Variants in MMRN2 observed in about 807,000 individuals in gnomAD.
MMRN2 encodes the protein multimerin-2.
Under a neutral mutation model 68.8 loss-of-function variants are expected in MMRN2, and 53 were observed. That is an observed-to-expected ratio of 0.77 (90% CI 0.62 to 0.97). The LOEUF is 0.97. MMRN2 is among the 50% of genes least tolerant of loss of function. The pLI is 0.00. For missense variants in MMRN2, 1,266 were observed against 1,259.5 expected, an observed-to-expected ratio of 1.01 and a Z score of -0.08; for synonymous variants, 564 against 551.6, an observed-to-expected ratio of 1.02 and a Z score of -0.32.
rs1419808712 is a variant in MMRN2, at chr10:86,942,776, C to T, written c.2008G>A (p.Glu670Lys). 7.3e-7 allele frequency: 1 copy of T among 1,370,664 alleles called. No individual in the cohort carries two copies. Among genetic ancestry groups the T allele is most frequent in the Non-Finnish European group, 9.4e-7 (1 of 1,067,662 alleles). 84.9% of individuals were successfully genotyped at this position (1,370,664 alleles called of 1,614,324 possible). The stretch of plus-strand genomic sequence containing the variant: ...AGGTGCTCTGCCGGCCGCGGGGGCT[C>T]CGAGGCCTGCTCCAGGGCCGTCACT... ...ARVTALEQAS[E>K]PPRPAEHLEP... The change falls in exon 6 of 7, where the codon GAG becomes AAG. Residue 670 changes from glutamate to lysine, a missense_variant. By Grantham distance (56) the Glu-to-Lys change is moderately conservative. Transcript: ENST00000372027.
rs1182465101 is a variant in MMRN2, at chr10:86,944,046, C to A, written c.738G>T (p.Arg246Ser). The A allele has an allele frequency of 2.5e-6, 4 of 1,614,016 alleles. No individual in the cohort carries two copies. The highest frequency in any genetic ancestry group is 3.4e-6 in the Non-Finnish European group (4 of 1,180,046). The change falls in exon 6 of 7, where the codon AGG becomes AGT. Residue 246 changes from arginine to serine, a missense_variant. Arg to Ser is a moderately radical substitution (Grantham distance 110). Coordinates refer to ENST00000372027, the MANE Select transcript of MMRN2 (RefSeq NM_024756.3). The part of the protein sequence containing the change: ...FLQVHFSPIW[R>S]SFNQSLHSLT... ...GGCTGTGCAGGCTTTGGTTAAAGCTCCTCCAGATGGGGCTGAAATGCACTT... is the reference window on the plus strand; with the variant it reads ...GGCTGTGCAGGCTTTGGTTAAAGCTACTCCAGATGGGGCTGAAATGCACTT...
chr10:86,945,947 A>C, intron 1 of MMRN2: 1 of 885,882 alleles, frequency 1.1e-6, no homozygotes, highest in East Asian at 3.4e-5. Flanking sequence ...TGAGAAACCC[A>C]CCACAATCTA....
Position 86,943,912 on chromosome 10 carries a change from G to T in MMRN2, c.872C>A (p.Ala291Asp), listed in dbSNP as rs373702337. The change falls in exon 6 of 7, where the codon GCC (alanine) becomes GAC (aspartate). Residue 291 changes from alanine to aspartate, a missense_variant. Coordinates refer to ENST00000372027, the MANE Select transcript of MMRN2 (RefSeq NM_024756.3). This position sits in a 1 kb window ranked among gnomAD's most constrained non-coding sequence, Gnocchi z 4.2. ...CTCCTGGACCTTGGCCTCAAATTTG[G>T]CACCAAGCTCCTGGAAGTCAGCCCT... ...VARADFQELG[A>D]KFEAKVQENT... 1.7e-5 allele frequency: 28 copies of T among 1,613,936 alleles called. No individual in the cohort carries two copies. The highest frequency in any genetic ancestry group is 2.3e-5 in the Non-Finnish European group (27 of 1,180,042).
In MMRN2 at chr10:86,943,794, T is replaced by C. The variant is rs768655304; in HGVS notation, c.990A>G (p.Gln330=). Residue 330 remains glutamine, a synonymous_variant, in exon 6 of 7, where the codon CAA becomes CAG. Coordinates refer to ENST00000372027, the MANE Select transcript of MMRN2 (RefSeq NM_024756.3). This position sits in a 1 kb window ranked among gnomAD's most constrained non-coding sequence, Gnocchi z 4.2. ...FTLHRSISEL[Q]ADVDTKLKRL... ...TCTTCAATTTGGTGTCCACATCGGC[T>C]TGGAGCTCTGAGATCGAGCGGTGCA... is the stretch of plus-strand genomic sequence containing the variant. 13 of 1,609,804 alleles carry C rather than the reference T, an allele frequency of 8.1e-6. No individual in the cohort carries two copies. The highest frequency in any genetic ancestry group is 3.3e-4 in the Middle Eastern group (2 of 6,062).
chr10:86,950,980 C>T (rs570021284), intron 1 of MMRN2, among the ~76,000 whole-genome samples: 11 of 151,984 alleles, frequency 7.2e-5, no homozygotes, highest in Admixed American at 2.0e-4. Context: ...CCCAGCTACT[C>T]GGGAGGCTGA....
intron 1 of MMRN2, among the ~76,000 whole-genome samples, chr10:86,947,265 G>C (rs968564403): frequency 8.5e-5 from 13 of 152,164 alleles, no homozygotes; most frequent in African/African-American, 2.2e-4. Flanking sequence ...TGAAGTGGCT[G>C]TCAGTGCCGG....
chr10:86,945,160 T>A (rs1440447529), intron 4 of MMRN2, 28 bp downstream of exon 4: 1 of 1,608,480 alleles, frequency 6.2e-7, no homozygotes, highest in Non-Finnish European at 8.5e-7. Context: ...CCAGCCTGCC[T>A]GCCTTCCCCT....
chr10:86,955,573 G>A (rs750028251), intron 1 of MMRN2, among the ~76,000 whole-genome samples: 7 of 152,196 alleles, frequency 4.6e-5, no homozygotes, highest in African/African-American at 2.4e-5. Flanking sequence ...GCCTCCTTGT[G>A]ATGGTGTTGG....
chr10:86,952,070 AAAC>A (rs1228442367), intron 1 of MMRN2, among the ~76,000 whole-genome samples: 1 of 152,162 alleles, frequency 6.6e-6, no homozygotes, highest in Non-Finnish European at 1.5e-5. Flanking sequence ...TTTTGAAAGA[AAAC>A]AATGAGTAGG....
In MMRN2 at chr10:86,943,836, G is replaced by A. The variant is rs766994960; in HGVS notation, c.948C>T (p.His316=). 35 of 1,612,728 alleles carry A rather than the reference G, an allele frequency of 2.2e-5. No individual in the cohort carries two copies. The highest frequency in any genetic ancestry group is 1.9e-4 in the South Asian group (17 of 91,084). The stretch of plus-strand genomic sequence containing the variant: ...AGCGGTGCAGGGTAAAGTGCTGGGC[G>A]TGCAGGCGGTCCTCCACGTCCTGTC... ...QLRQDVEDRL[H]AQHFTLHRSI... The change falls in exon 6 of 7, where the codon CAC becomes CAT. Residue 316 remains histidine (H), a synonymous_variant. Coordinates refer to ENST00000372027, the MANE Select transcript of MMRN2 (RefSeq NM_024756.3). This position sits in a 1 kb window ranked among gnomAD's most constrained non-coding sequence, Gnocchi z 4.2.
chr10:86,941,436 T>C (rs891755360), intron 6 of MMRN2, among the ~76,000 whole-genome samples: 5 of 152,200 alleles, frequency 3.3e-5, no homozygotes, highest in Non-Finnish European at 7.3e-5. Flanking sequence ...TATATGAATG[T>C]GGTGTCTCCC....
Position 86,936,820 on chromosome 10 carries a change from C to G in MMRN2, c.2773G>C (p.Glu925Gln), listed in dbSNP as rs1843886127. The G allele has an allele frequency of 6.2e-7, 1 of 1,614,084 alleles. No individual in the cohort carries two copies. The highest frequency in any genetic ancestry group is 1.1e-5 in the South Asian group (1 of 91,080). Residue 925 changes from glutamate to glutamine, a missense_variant, in exon 7 of 7, where the codon GAG becomes CAG. Glu to Gln is a conservative substitution (Grantham distance 29). Transcript: ENST00000372027. ...TTTGTTATTGATCCCTGGGTTAACT[C>G]AAACCATACTCGCTCACCCTTCTGC... ...ELQKGERVWFELTQGSITKRS... is the reference protein window; with the variant it reads ...ELQKGERVWFQLTQGSITKRS...
At chr10:86,938,266 GC>G (rs1177019827) in intron 6 of MMRN2, among the ~76,000 whole-genome samples, 1 of 152,136 alleles carries the variant, frequency 6.6e-6, no homozygotes, top group Non-Finnish European at 1.5e-5. Flanking sequence ...GTAAATTGAG[GC>G]CCAGAAAGAA....
intron 1 of MMRN2, among the ~76,000 whole-genome samples, chr10:86,950,982 G>A (rs1168795182): frequency 1.3e-5 from 2 of 152,154 alleles, no homozygotes; most frequent in Non-Finnish European, 2.9e-5. Context: ...CAGCTACTCG[G>A]GAGGCTGAGG....
At chr10:86,954,788 G>T (rs769650297) in intron 1 of MMRN2, among the ~76,000 whole-genome samples, 2 of 150,310 alleles carry the variant, frequency 1.3e-5, no homozygotes, top group African/African-American at 4.9e-5. Context: ...GGCCAGTGGG[G>T]GTTCTTCCCT....
intron 6 of MMRN2, among the ~76,000 whole-genome samples, chr10:86,937,990 G>A (rs1430569885): frequency 6.6e-6 from 1 of 152,128 alleles, no homozygotes; most frequent in Non-Finnish European, 1.5e-5. Context: ...AGACTGGAGT[G>A]CATTGGCGAT....
At position 86,945,426 on chromosome 10, in the gene MMRN2, G is replaced by A. The variant is rs969969419; in HGVS notation, c.344C>T (p.Thr115Ile). 6 of 1,574,926 alleles carry A rather than the reference G, an allele frequency of 3.8e-6. No homozygotes were observed. In the East Asian group the frequency reaches 1.2e-4, roughly 30 times the overall value. ...PVYQVKQKVL[T>I]SLAWRCCPGY... is the part of the protein sequence containing the mutation. ...AGGGCAGCACCTCCAGGCCAAAGAGGTCAGCACCTTCTGCTTGACCTGGTA... is the reference window on the plus strand; with the variant it reads ...AGGGCAGCACCTCCAGGCCAAAGAGATCAGCACCTTCTGCTTGACCTGGTA... Residue 115 changes from threonine (T) to isoleucine (I), a missense_variant, in exon 3 of 7, where the codon ACC becomes ATC. By Grantham distance (89) the Thr-to-Ile change is moderately conservative. Coordinates refer to ENST00000372027, the MANE Select transcript of MMRN2 (RefSeq NM_024756.3).
At chr10:86,937,178 G>A (rs2133672557) in intron 6 of MMRN2, 53 bp from the exon 7 acceptor site, 1 of 1,584,000 alleles carries the variant, frequency 6.3e-7, no homozygotes, top group Non-Finnish European at 8.6e-7. Flanking sequence ...CCATTGGGTG[G>A]GAAATTAAAC....
intron 6 of MMRN2, among the ~76,000 whole-genome samples, chr10:86,941,821 G>GAAAAAAAAAAAAAAAAA (rs1564731145): frequency 1.5e-5 from 1 of 67,654 alleles, no homozygotes; most frequent in African/African-American, 5.5e-5. Context: ...AAAAAGAAAA[G>GAAAAAAAAAAAAAAAAA]AAAAAGAAAA....
Sources: allele counts gnomAD v4.1 joint callset (sites outside exome capture counted in the v4.1 genomes callset), GRCh38; gene constraint gnomAD v4.1.1; non-coding constraint Gnocchi (gnomAD v3.1); transcripts MANE v1.5; gene names NCBI Gene and HGNC (gene_info 2026-07-23, HGNC 2026-07-21).